Variants in IL1R2 observed in about 807,000 individuals in gnomAD.
IL1R2 encodes interleukin-1 receptor type 2.
IL1R2 carries 46 observed loss-of-function variants against 39.5 expected under a neutral mutation model. The observed-to-expected ratio is 1.16, with a 90% CI of 0.92 to 1.49. The LOEUF (loss-of-function observed/expected upper bound fraction) is 1.49, where lower values mean the gene tolerates loss of function less well. IL1R2 is among the 40% of genes most tolerant of loss of function. The pLI is 0.00. For missense variants in IL1R2, 537 were observed against 502.0 expected (o/e 1.07, Z -0.67); for synonymous variants, 207 against 189.6 (o/e 1.09, Z -0.75).
intron 2 of IL1R2, 150 bp downstream of exon 2, chr2:102,008,792 C>T (rs558171106): frequency 1.7e-4 from 90 of 525,906 alleles, no homozygotes; most frequent in East Asian, 3.6e-4. Flanking sequence ...GAGCCCTAGG[C>T]GGGTGGATTG....
chr2:102,002,952 C>T (rs926593245), intron 1 of IL1R2, among the ~76,000 whole-genome samples: 3 of 145,336 alleles, frequency 2.1e-5, no homozygotes, highest in Non-Finnish European at 4.5e-5. Flanking sequence ...GTGTCTGTGC[C>T]TATGTCTGTG....
At chr2:102,009,541 C>T (rs1323059977) in intron 2 of IL1R2, 21 bp from the exon 3 acceptor site, 1 of 1,610,626 alleles carries the variant, frequency 6.2e-7, no homozygotes, top group Admixed American at 1.7e-5. Context: ...AAAGCCTGAC[C>T]ATGGGCTCTC....
At chr2:102,015,558 G>A (rs1025316678) in intron 3 of IL1R2, among the ~76,000 whole-genome samples, 3 of 152,208 alleles carry the variant, frequency 2.0e-5, no homozygotes, top group Non-Finnish European at 2.9e-5. Context: ...AATGGGCTGA[G>A]AATGCTTACA....
At chr2:101,994,557 T>C (rs1675498360) in intron 1 of IL1R2, among the ~76,000 whole-genome samples, 1 of 152,238 alleles carries the variant, frequency 6.6e-6, no homozygotes, top group South Asian at 2.1e-4. Context: ...GTTGGCGACC[T>C]GAGAATCTGC....
intron 3 of IL1R2, among the ~76,000 whole-genome samples, chr2:102,014,305 T>C (rs1577713004): frequency 6.6e-6 from 1 of 152,196 alleles, no homozygotes. Flanking sequence ...TAATTCCTAC[T>C]TCATGGGGGC....
At chr2:102,006,028 T>C (rs1344313217) in intron 1 of IL1R2, among the ~76,000 whole-genome samples, 1 of 152,222 alleles carries the variant, frequency 6.6e-6, no homozygotes, top group Non-Finnish European at 1.5e-5. Context: ...AATGCAAGAA[T>C]GAATGTTCAA....
At chr2:102,004,339 T>A (rs1202651908) in intron 1 of IL1R2, among the ~76,000 whole-genome samples, 1 of 882 alleles carries the variant, frequency 1.1e-3, no homozygotes, top group Non-Finnish European at 1.9e-3. Flanking sequence ...CCTGTCCAAC[T>A]CAGGGCTGTG....
At chr2:102,014,938 A>G (rs889330052) in intron 3 of IL1R2, among the ~76,000 whole-genome samples, 2 of 141,452 alleles carry the variant, frequency 1.4e-5, no homozygotes, top group African/African-American at 5.2e-5. Flanking sequence ...AATAATGATT[A>G]GGCTAGTAAA....
rs749456305 is a variant in IL1R2 at position 102,028,270 on chromosome 2, C to T, written c.1075C>T (p.Leu359=). 4 of 1,612,602 alleles carry T rather than the reference C, an allele frequency of 2.5e-6. No individual in the cohort carries two copies. Among genetic ancestry groups the T allele is most frequent in the Non-Finnish European group, 8.5e-7 (1 of 1,179,424 alleles). The change falls in exon 9 of 9, where the codon CTG becomes TTG. Residue 359 remains leucine, a synonymous_variant. Transcript: ENST00000332549. ...GGGCATTGTGCTGGCCCCACTTTCA[C>T]TGGCCTTCTTGGTTTTGGGGGGAAT... ...SWGIVLAPLS[L]AFLVLGGIWM...
At chr2:102,018,065 T>C (rs1323255912) in intron 4 of IL1R2, among the ~76,000 whole-genome samples, 1 of 152,208 alleles carries the variant, frequency 6.6e-6, no homozygotes, top group Non-Finnish European at 1.5e-5. Flanking sequence ...CCAGCTCCTA[T>C]GAATAAGCTG....
chr2:102,010,570 TGTCTA>T (rs1411690848), intron 3 of IL1R2, among the ~76,000 whole-genome samples: 25 of 125,736 alleles, frequency 2.0e-4, no homozygotes, highest in Non-Finnish European at 3.7e-4. Flanking sequence ...AGCGAGACTC[TGTCTA>T]AAAAAAAAAA....
At chr2:102,021,428 G>C (rs1390969672) in intron 5 of IL1R2, among the ~76,000 whole-genome samples, 1 of 150,120 alleles carries the variant, frequency 6.7e-6, no homozygotes, top group African/African-American at 2.5e-5. Context: ...CGATTATCCT[G>C]TCTCAGCCTC....
chr2:102,021,305 CTTTTTT>C (rs546019141), intron 5 of IL1R2, among the ~76,000 whole-genome samples: 2 of 122,856 alleles, frequency 1.6e-5, no homozygotes, highest in Admixed American at 8.4e-5. Flanking sequence ...CTTTTCTTTT[CTTTTTT>C]TTTTTTTTTT....
At chr2:102,000,243 A>C (rs1033942978) in intron 1 of IL1R2, among the ~76,000 whole-genome samples, 1 of 152,192 alleles carries the variant, frequency 6.6e-6, no homozygotes, top group Non-Finnish European at 1.5e-5. Context: ...AGCTCATTAC[A>C]TATGGTGTGA....
At position 102,008,612 on chromosome 2, in the gene IL1R2, G is replaced by A. The variant is rs1239271391; in HGVS notation, c.37G>A (p.Ala13Thr). 1.9e-6 allele frequency: 3 copies of A among 1,614,016 alleles called. No homozygotes were observed. Among genetic ancestry groups the A allele is most frequent in the Non-Finnish European group, 2.5e-6 (3 of 1,180,016 alleles). Reference protein sequence around the residue: ...RLYVLVMGVSAFTLQPAAHTG... With the variant: ...RLYVLVMGVSTFTLQPAAHTG... ...GTACGTGTTGGTAATGGGAGTTTCT[G>A]CCTTCACCCTTCAGCCTGCGGCACA... Residue 13 changes from alanine to threonine, a missense_variant, in exon 2 of 9, where the codon GCC becomes ACC. Ala to Thr is a moderately conservative substitution (Grantham distance 58, BLOSUM62 0). Coordinates refer to ENST00000332549, the MANE Select transcript of IL1R2 (RefSeq NM_004633.4).
chr2:102,016,149 A>G, intron 4 of IL1R2, 98 bp downstream of exon 4: 2 of 795,612 alleles, frequency 2.5e-6, no homozygotes, highest in Non-Finnish European at 3.9e-6. Context: ...AAGACAGTGC[A>G]CACACACACA....
At chr2:101,996,579 T>A (rs2150417615) in intron 1 of IL1R2, among the ~76,000 whole-genome samples, 1 of 145,792 alleles carries the variant, frequency 6.9e-6, no homozygotes, top group African/African-American at 2.5e-5. Context: ...CCACCCTTGG[T>A]GCCCCTCAGA....
At position 102,019,655 on chromosome 2, in the gene IL1R2, T is replaced by A. The variant is rs200398963; in HGVS notation, c.531T>A (p.Asp177Glu). ...CCCTTAAGGATTCTCTTCTTTTGGA[T>A]AAAGACAATGAGAAATTTCTAAGTG... ...IQWYKDSLLL[D>E]KDNEKFLSVR... The change falls in exon 5 of 9, where the codon GAT becomes GAA. Residue 177 changes from aspartate (D) to glutamate (E), a missense_variant. Transcript: ENST00000332549. 3.1e-6 allele frequency: 5 copies of A among 1,612,350 alleles called. No individual in the cohort carries two copies. The East Asian group carries it at 8.9e-5, about 29-fold the overall frequency.
At position 102,008,596 on chromosome 2, in the gene IL1R2, G is replaced by A; in HGVS notation, c.21G>A (p.Leu7=). 6.2e-7 allele frequency: 1 copy of A among 1,614,080 alleles called. No homozygotes were observed. The highest frequency in any genetic ancestry group is 1.1e-5 in the South Asian group (1 of 91,074). The part of the protein sequence containing the change: MLRLYV[L]VMGVSAFTLQ... ...GAGCAATGTTGCGCTTGTACGTGTT[G>A]GTAATGGGAGTTTCTGCCTTCACCC... Residue 7 remains leucine, a synonymous_variant, in exon 2 of 9, where the codon TTG becomes TTA. Transcript: ENST00000332549.
Sources: gnomAD v4.1 joint callset for allele counts (sites outside exome capture counted in the v4.1 genomes callset) on GRCh38, gnomAD v4.1.1 for gene constraint, MANE v1.5 for transcripts, NCBI Gene and HGNC (gene_info 2026-07-23, HGNC 2026-07-21) for gene names.